The following PAFAH1B1 variants were observed in gnomAD, a reference collection of about 807,000 sequenced individuals.
PAFAH1B1 encodes platelet activating factor acetylhydrolase 1b regulatory subunit 1.
PAFAH1B1 carries 2 observed loss-of-function variants against 57.5 expected under a neutral mutation model. That is an observed-to-expected ratio of 0.03 (90% CI 0.01 to 0.11). The LOEUF is 0.11. Among genes scored for constraint, PAFAH1B1 ranks in the 10% least tolerant of loss-of-function variants. The pLI is 1.00. For missense variants in PAFAH1B1, 257 were observed against 512.0 expected, an observed-to-expected ratio of 0.50 and a Z score of 4.81; for synonymous variants, 152 against 169.6, an observed-to-expected ratio of 0.90 and a Z score of 0.81.
intron 3 of PAFAH1B1, 97 bp downstream of exon 3, chr17:2,665,553 A>G: frequency 1.1e-5 from 8 of 756,094 alleles, no homozygotes; most frequent in South Asian, 1.0e-4. Flanking sequence ...GTCATTTGTT[A>G]TTGTGGTCTA....
At chr17:2,610,878 G>A (rs928350395) in intron 1 of PAFAH1B1, among the ~76,000 whole-genome samples, 7 of 152,292 alleles carry the variant, frequency 4.6e-5, no homozygotes, top group Admixed American at 1.3e-4. Flanking sequence ...CTGAAAGAGT[G>A]GATAGATTTG....
chr17:2,600,771 C>T (rs1260481014), intron 1 of PAFAH1B1, among the ~76,000 whole-genome samples: 4 of 151,764 alleles, frequency 2.6e-5, no homozygotes, highest in African/African-American at 4.8e-5. Flanking sequence ...GCTGTGTTGC[C>T]CAGACTGTAG....
chr17:2,606,660 T>G (rs2068207249), intron 1 of PAFAH1B1, among the ~76,000 whole-genome samples: 1 of 151,922 alleles, frequency 6.6e-6, no homozygotes, highest in African/African-American at 2.4e-5. Flanking sequence ...GGCTAAAATT[T>G]TATTTTGTGT....
At chr17:2,600,945 T>C in intron 1 of PAFAH1B1, among the ~76,000 whole-genome samples, 1 of 152,084 alleles carries the variant, frequency 6.6e-6, no homozygotes, top group South Asian at 2.1e-4. Context: ...TTGGCCAGGC[T>C]GATCTCGAAC....
intron 1 of PAFAH1B1, among the ~76,000 whole-genome samples, chr17:2,603,678 C>A (rs2068171715): frequency 6.6e-6 from 1 of 150,388 alleles, no homozygotes; most frequent in African/African-American, 2.4e-5. Context: ...TGTTTTTATT[C>A]AATTTCATAA....
At chr17:2,602,625 T>TGTCCG (rs2068158003) in intron 1 of PAFAH1B1, among the ~76,000 whole-genome samples, 1 of 152,230 alleles carries the variant, frequency 6.6e-6, no homozygotes, top group East Asian at 1.9e-4. Context: ...AATTCAGTCT[T>TGTCCG]GTCCGGTTAA....
At chr17:2,625,036 T>A (rs900060929) in intron 1 of PAFAH1B1, among the ~76,000 whole-genome samples, 4 of 151,920 alleles carry the variant, frequency 2.6e-5, no homozygotes, top group African/African-American at 9.7e-5. Flanking sequence ...TTTTTTTTTT[T>A]AACTCTTCCA....
chr17:2,670,121 G>A, intron 5 of PAFAH1B1, 42 bp from the exon 6 acceptor site: 1 of 1,571,234 alleles, frequency 6.4e-7, no homozygotes, highest in Non-Finnish European at 8.8e-7. Context: ...CAAGAAAGGA[G>A]TGATGGAGTT....
At chr17:2,625,163 C>T (rs1256259576) in intron 1 of PAFAH1B1, among the ~76,000 whole-genome samples, 1 of 152,010 alleles carries the variant, frequency 6.6e-6, no homozygotes, top group Non-Finnish European at 1.5e-5. Flanking sequence ...CTTAAGAATT[C>T]TGCATTCCAA....
intron 1 of PAFAH1B1, among the ~76,000 whole-genome samples, chr17:2,632,757 T>C (rs1231217898): frequency 6.6e-6 from 1 of 152,194 alleles, no homozygotes; most frequent in African/African-American, 2.4e-5. Flanking sequence ...CAGAGATGAT[T>C]TATATTATAG....
chr17:2,631,332 G>A lies in PAFAH1B1; in HGVS notation c.-190-6767G>A, dbSNP rs189751215. On this transcript the variant is annotated intron_variant, in intron 1 of 10. Transcript: ENST00000397195. The stretch of plus-strand genomic sequence containing the variant: ...GAAAGAAAAGGGCTTTAGTTCTTCC[G>A]TAGTCTGTGAAGTCTGCATGCCGGA... 7.9e-5 allele frequency among the ~76,000 whole-genome samples: 12 copies of A among 152,234 alleles called. No individual in the cohort carries two copies. The East Asian group carries it at 1.4e-3, about 17-fold the overall frequency.
intron 2 of PAFAH1B1, among the ~76,000 whole-genome samples, chr17:2,665,117 G>C (rs2069088501): frequency 6.6e-6 from 1 of 151,832 alleles, no homozygotes; most frequent in South Asian, 2.1e-4. Flanking sequence ...TAAATATGAA[G>C]TTTCTCTTCT....
chr17:2,643,129 C>T (rs561605178), intron 2 of PAFAH1B1, among the ~76,000 whole-genome samples: 13 of 152,178 alleles, frequency 8.5e-5, no homozygotes, highest in Admixed American at 7.9e-4. Flanking sequence ...ATTCTGTCTT[C>T]CAGTCTGGAC....
At chr17:2,659,520 CAAAAAAAAAAAA>C in intron 2 of PAFAH1B1, 1 of 40,158 alleles carries the variant, frequency 2.5e-5, no homozygotes, top group South Asian at 3.0e-4. Context: ...ACTGCCTCGC[CAAAAAAAAAAAA>C]AAAAAAAAAG....
chr17:2,677,013 C>T (rs1424126640), intron 9 of PAFAH1B1, among the ~76,000 whole-genome samples: 3 of 152,130 alleles, frequency 2.0e-5, no homozygotes, highest in East Asian at 3.9e-4. Context: ...ATTAGCTGGG[C>T]GTGGTGGCGG....
chr17:2,624,796 G>T (rs1328602775), intron 1 of PAFAH1B1, among the ~76,000 whole-genome samples: 1 of 152,108 alleles, frequency 6.6e-6, no homozygotes, highest in Non-Finnish European at 1.5e-5. Flanking sequence ...GCATGCCTCG[G>T]TCCATCAAAA....
intron 1 of PAFAH1B1, among the ~76,000 whole-genome samples, chr17:2,611,021 C>T (rs1185857523): frequency 6.6e-6 from 1 of 152,084 alleles, no homozygotes; most frequent in African/African-American, 2.4e-5. Flanking sequence ...TCTAATTTTA[C>T]CCAGAATAGA....
At chr17:2,619,085 T>G (rs2068385650) in intron 1 of PAFAH1B1, among the ~76,000 whole-genome samples, 1 of 152,060 alleles carries the variant, frequency 6.6e-6, no homozygotes, top group Non-Finnish European at 1.5e-5. Context: ...AGAAAGCATG[T>G]CTCAAGTTCA....
At chr17:2,662,709 C>G (rs944872703) in intron 2 of PAFAH1B1, among the ~76,000 whole-genome samples, 3 of 152,096 alleles carry the variant, frequency 2.0e-5, no homozygotes, top group Non-Finnish European at 2.9e-5. Flanking sequence ...CCAGCCTTCT[C>G]TGATTCTTTA....
Sources: allele counts gnomAD v4.1 joint callset (sites outside exome capture counted in the v4.1 genomes callset), GRCh38; gene constraint gnomAD v4.1.1; transcripts MANE v1.5; gene names NCBI Gene and HGNC (gene_info 2026-07-23, HGNC 2026-07-21).